ATP7B: variants seen among roughly 807,000 people sequenced by gnomAD.
ATP7B encodes the protein copper-transporting ATPase 2.
A neutral mutation model predicts 118.9 loss-of-function variants in ATP7B; 113 were observed. The ratio of observed to expected loss-of-function variants is 0.95; its 90% confidence interval spans 0.82 to 1.11. The LOEUF (loss-of-function observed/expected upper bound fraction) is 1.11. Among genes scored for constraint, ATP7B ranks in the 50% most tolerant of loss-of-function variants. The pLI is 0.00. For missense variants in ATP7B, 1,867 were observed against 1,871.4 expected (o/e 1.00, Z 0.04); for synonymous variants, 777 against 727.4 (o/e 1.07, Z -1.10).
intron 14 of ATP7B, among the ~76,000 whole-genome samples, chr13:51,943,850 C>CA (rs1257131928): frequency 6.6e-6 from 1 of 152,162 alleles, no homozygotes; most frequent in Non-Finnish European, 1.5e-5. Context: ...GTTCATATCC[C>CA]ACTCCTGTTG....
At chr13:51,999,562 G>C (rs1566662777) in intron 1 of ATP7B, among the ~76,000 whole-genome samples, 2 of 152,180 alleles carry the variant, frequency 1.3e-5, no homozygotes, top group African/African-American at 4.8e-5. Flanking sequence ...TGGGATTATC[G>C]AAAAGTAAAA....
At position 51,968,502 on chromosome 13, in the gene ATP7B, C is replaced by T. The variant is rs377336104; in HGVS notation, c.1649G>A (p.Gly550Asp). 3.7e-6 allele frequency: 6 copies of T among 1,614,090 alleles called. No homozygotes were observed. The African/African-American group carries it at 4.0e-5, about 11-fold the overall frequency. Residue 550 changes from glycine to aspartate, a missense_variant, in exon 4 of 21, where the codon GGT becomes GAT. Coordinates refer to ENST00000242839, the MANE Select transcript of ATP7B (RefSeq NM_000053.4). ...LEIAQFIQDL[G>D]FEAAVMEDYA... Reference sequence around the variant, plus strand: ...GTCCTCCATGACTGCTGCCTCAAAACCCAGGTCCTGGATGAACTGAGCTAT... The same window carrying T: ...GTCCTCCATGACTGCTGCCTCAAAATCCAGGTCCTGGATGAACTGAGCTAT...
chr13:51,953,950 A>G, intron 9 of ATP7B, among the ~76,000 whole-genome samples: 1 of 151,528 alleles, frequency 6.6e-6, no homozygotes, highest in African/African-American at 2.4e-5. Flanking sequence ...TGTGTGCAGT[A>G]TGTTTCTTTA....
In ATP7B at chr13:51,971,928, CTCT is replaced by C. The variant is rs576721181; in HGVS notation, c.1286-1182_1286-1180del. 1.8e-3 allele frequency among the ~76,000 whole-genome samples: 275 copies of C among 152,378 alleles called. 2 individuals are homozygous for C. Among genetic ancestry groups the C allele is most frequent in the African/African-American group, 6.3e-3 (260 of 41,594 alleles). On this transcript the variant is annotated intron_variant, in intron 2 of 20. Coordinates refer to ENST00000242839, the MANE Select transcript of ATP7B (RefSeq NM_000053.4). ...GGCTTGCCCACGCCACTGAAAGCAG[CTCT>C]TCTTAGTGTTGGGCCCGCTGCTCCC...
chr13:51,965,167 C>T (rs1478586132), intron 4 of ATP7B, 134 bp from the exon 5 acceptor site: 2 of 1,065,564 alleles, frequency 1.9e-6, no homozygotes, highest in Non-Finnish European at 2.8e-6. Flanking sequence ...CCCTGGACTC[C>T]ACCTCCAAAC....
At chr13:51,955,787 G>GA (rs910642187) in intron 9 of ATP7B, among the ~76,000 whole-genome samples, 41 of 149,170 alleles carry the variant, frequency 2.7e-4, no homozygotes, top group Middle Eastern at 3.4e-3. Flanking sequence ...TATAAGAGAA[G>GA]AAAAAAAAAA....
chr13:52,005,264 A>G (rs1953711666), intron 1 of ATP7B, among the ~76,000 whole-genome samples: 4 of 152,142 alleles, frequency 2.6e-5, no homozygotes, highest in Admixed American at 2.6e-4. Context: ...TTTGATTATA[A>G]TTTCTGTCTT....
rs587776496 is a variant in ATP7B at position 51,974,998 on chromosome 13, C to T, written c.222G>A (p.Lys74=). The T allele has an allele frequency of 6.2e-7, 1 of 1,614,194 alleles. No individual in the cohort carries two copies. Among genetic ancestry groups the T allele is most frequent in the Non-Finnish European group, 8.5e-7 (1 of 1,180,028 alleles). ...ILGMTCQSCV[K]SIEDRISNLK... is the part of the protein sequence containing the mutation. ...AATTGGAAATCCTGTCCTCAATGGA[C>T]TTCACACATGACTGGCAAGTCATGC... Residue 74 remains lysine, a synonymous_variant, in exon 2 of 21, where the codon AAG becomes AAA. Transcript: ENST00000242839.
chr13:51,986,225 A>T (rs936491354), intron 1 of ATP7B, among the ~76,000 whole-genome samples: 1 of 152,194 alleles, frequency 6.6e-6, no homozygotes, highest in African/African-American at 2.4e-5. Flanking sequence ...AAAAATGATA[A>T]AGGAGATATC....
chr13:52,007,004 C>A (rs1417134666), intron 1 of ATP7B, among the ~76,000 whole-genome samples: 1 of 152,088 alleles, frequency 6.6e-6, no homozygotes, highest in Non-Finnish European at 1.5e-5. Flanking sequence ...CAGTACCAGG[C>A]AAACAGAAAG....
chr13:51,963,726 G>A (rs1181266975), intron 5 of ATP7B, among the ~76,000 whole-genome samples: 1 of 102,152 alleles, frequency 9.8e-6, no homozygotes, highest in Non-Finnish European at 1.8e-5. Flanking sequence ...ACAAGAGCGA[G>A]ACCACGTCTC....
chr13:51,937,175 T>C lies in ATP7B; in HGVS notation c.4021+101A>G. On this transcript the variant is annotated intron_variant, in intron 19 of 20. Coordinates refer to ENST00000242839, the MANE Select transcript of ATP7B (RefSeq NM_000053.4). ...AAAAACAGCCTTTCTAAAACGCCTC[T>C]AGCCAGCCAGTGAGTGAGCCACTCA... The C allele has an allele frequency of 3.5e-6, 4 of 1,155,750 alleles. No homozygotes were observed. In the South Asian group the frequency reaches 3.8e-5, roughly 11 times the overall value. 71.6% of individuals were successfully genotyped at this position (1,155,750 alleles called of 1,614,324 possible).
intron 6 of ATP7B, among the ~76,000 whole-genome samples, chr13:51,961,448 C>G (rs942389278): frequency 6.6e-6 from 1 of 150,726 alleles, no homozygotes; most frequent in Non-Finnish European, 1.5e-5. Flanking sequence ...CAAATAAAGT[C>G]TGAAAACATT....
rs186300062 is a variant in ATP7B at position 51,970,684 on chromosome 13, C to T, written c.1351G>A (p.Gly451Ser). Reference protein sequence around the residue: ...AGNSMVQTTDGTPTSVQEVAP... With the variant: ...AGNSMVQTTDSTPTSVQEVAP... Reference sequence around the variant, plus strand: ...ACTTCCTGCACAGATGTAGGTGTACCATCTGTAGTTTGCACCATGGAATTC... The same window carrying T: ...ACTTCCTGCACAGATGTAGGTGTACTATCTGTAGTTTGCACCATGGAATTC... Residue 451 changes from glycine (G) to serine (S), a missense_variant, in exon 3 of 21, where the codon GGT becomes AGT. Coordinates refer to ENST00000242839, the MANE Select transcript of ATP7B (RefSeq NM_000053.4). The T allele has an allele frequency of 2.5e-5, 41 of 1,614,104 alleles. No individual in the cohort carries two copies. In the East Asian group the frequency reaches 6.2e-4, roughly 25 times the overall value.
chr13:51,967,791 AAG>A (rs1593762981), intron 4 of ATP7B, among the ~76,000 whole-genome samples: 1 of 152,370 alleles, frequency 6.6e-6, no homozygotes, highest in East Asian at 1.9e-4. Context: ...CTTACACAAA[AAG>A]AGCTGTACAA....
chr13:51,971,994 A>G (rs905202837), intron 2 of ATP7B, among the ~76,000 whole-genome samples: 2 of 152,240 alleles, frequency 1.3e-5, no homozygotes, highest in African/African-American at 4.8e-5. Context: ...TGAGGAAGCC[A>G]GCCATGTCCT....
chr13:51,941,023 A>T (rs1275429536), intron 16 of ATP7B, 58 bp downstream of exon 16: 6 of 1,610,202 alleles, frequency 3.7e-6, no homozygotes, highest in Non-Finnish European at 4.2e-6. Context: ...CTTTTGCCTG[A>T]TATCTGCAGA....
chr13:52,011,919 G>GTCGGGTCCGCTCTGCGCTGCCCCC (rs1193049244), upstream of ATP7B: 4 of 267,276 alleles, frequency 1.5e-5, no homozygotes, highest in Non-Finnish European at 2.9e-5. Context: ...GCGGCGCCGC[G>GTCGGGTCCGCTCTGCGCTGCCCCC]TCGGGTCCGC....
At position 51,960,249 on chromosome 13, in the gene ATP7B, G is replaced by GT; in HGVS notation, c.2019dup (p.Pro674ThrfsTer81). ...ATGGACTGGTGGGGCTCGTTGCTGG[G>GT]TATCAGCATATAGATCATTAAGGCC... is the stretch of plus-strand genomic sequence containing the variant. On this transcript the variant is annotated frameshift_variant, in exon 7 of 21. Transcript: ENST00000242839. LOFTEE classifies it high-confidence loss of function. 1 of 1,613,930 alleles carries GT rather than the reference G, an allele frequency of 6.2e-7. No individual in the cohort carries two copies. The highest frequency in any genetic ancestry group is 8.5e-7 in the Non-Finnish European group (1 of 1,179,832).
Sources: allele counts gnomAD v4.1 joint callset (sites outside exome capture counted in the v4.1 genomes callset), GRCh38; gene constraint gnomAD v4.1.1; transcripts MANE v1.5; gene names NCBI Gene and HGNC (gene_info 2026-07-23, HGNC 2026-07-21).